The following HIVEP2 variants were observed in gnomAD, a reference collection of about 807,000 sequenced individuals.
HIVEP2 encodes the protein transcription factor HIVEP2.
Under a neutral mutation model 180.7 loss-of-function variants are expected in HIVEP2, and 14 were observed. That is an observed-to-expected ratio of 0.08 (90% CI 0.05 to 0.12). The LOEUF is 0.12. HIVEP2 is among the 10% of genes least tolerant of loss of function. The probability of loss-of-function intolerance (pLI) is 1.00; values close to 1 mark genes in which losing one functional copy is unlikely to be tolerated. For synonymous variants in HIVEP2, 1,184 were observed against 1,136.4 expected (o/e 1.04, Z -0.84); for missense variants, 2,579 against 3,008.5 (o/e 0.86, Z 3.34).
At chr6:142,907,475 T>G (rs1777295139) in intron 1 of HIVEP2, among the ~76,000 whole-genome samples, 1 of 152,158 alleles carries the variant, frequency 6.6e-6, no homozygotes, top group African/African-American at 2.4e-5. Flanking sequence ...CAGTACCAGA[T>G]AGTGAATATA....
Position 142,769,878 on chromosome 6 carries a change from C to T in HIVEP2, c.4861G>A (p.Asp1621Asn), listed in dbSNP as rs367696862. 7.4e-6 allele frequency: 12 copies of T among 1,614,012 alleles called. No individual in the cohort carries two copies. The highest frequency in any genetic ancestry group is 3.3e-5 in the Admixed American group (2 of 60,010). ...ATGTCCGTGAGAAGAAGAGTTGAGT[C>T]TGCCACGTTCCCGCTGGGGGCAGAG... ...MASAPSGNVA[D>N]STLLLTDMAD... Residue 1621 changes from aspartate to asparagine, a missense_variant, in exon 5 of 10, where the codon GAC (aspartate) becomes AAC (asparagine). Coordinates refer to ENST00000367603, the MANE Select transcript of HIVEP2 (RefSeq NM_006734.4).
chr6:142,791,891 G>A (rs1776146154), intron 2 of HIVEP2, among the ~76,000 whole-genome samples: 1 of 152,192 alleles, frequency 6.6e-6, no homozygotes, highest in Non-Finnish European at 1.5e-5. Context: ...AGCTATAAAA[G>A]CAATAGAGGC....
chr6:142,772,229 C>T lies in HIVEP2; in HGVS notation c.2510G>A (p.Cys837Tyr), dbSNP rs1178691611. 1 of 1,614,174 alleles carries T rather than the reference C, an allele frequency of 6.2e-7. No homozygotes were observed. The highest frequency in any genetic ancestry group is 8.5e-7 in the Non-Finnish European group (1 of 1,180,044). The part of the protein sequence containing the change: ...QDKAPSPSET[C>Y]DSEISEAPVS... Reference sequence around the variant, plus strand: ...TGGGGCTTCTGAAATCTCACTGTCACAAGTCTCTGAAGGGGAAGGGGCTTT... The same window carrying T: ...TGGGGCTTCTGAAATCTCACTGTCATAAGTCTCTGAAGGGGAAGGGGCTTT... Residue 837 changes from cysteine (C) to tyrosine (Y), a missense_variant, in exon 5 of 10, where the codon TGT becomes TAT. This residue lies in a region of HIVEP2 where 524 missense variants were observed against 563.6 expected (regional missense o/e 0.93). Transcript: ENST00000367603. This position sits in a 1 kb window ranked among gnomAD's most constrained non-coding sequence, Gnocchi z 4.9.
At chr6:142,934,813 C>T (rs1490093390) in intron 1 of HIVEP2, among the ~76,000 whole-genome samples, 1 of 152,186 alleles carries the variant, frequency 6.6e-6, no homozygotes, top group African/African-American at 2.4e-5. Flanking sequence ...CGTTTCACCC[C>T]AGCCTTTCCT....
chr6:142,917,798 TAG>T (rs1777594284), intron 1 of HIVEP2, among the ~76,000 whole-genome samples: 1 of 152,110 alleles, frequency 6.6e-6, no homozygotes, highest in African/African-American at 2.4e-5. Context: ...TTTTTTGAGA[TAG>T]AGTCTTGCTC....
chr6:142,767,742 T>A (rs553629097), intron 6 of HIVEP2, among the ~76,000 whole-genome samples: 1 of 152,296 alleles, frequency 6.6e-6, no homozygotes, highest in South Asian at 2.1e-4. Flanking sequence ...AATAACAAAG[T>A]CTTTGAACCT....
At chr6:142,780,678 G>A (rs1056372439) in intron 3 of HIVEP2, among the ~76,000 whole-genome samples, 26 of 152,164 alleles carry the variant, frequency 1.7e-4, no homozygotes, top group African/African-American at 5.3e-4. Context: ...AATGGAAATT[G>A]TGTGCATCAT....
At chr6:142,769,423 C>T (rs1775462679) in intron 5 of HIVEP2, 129 bp downstream of exon 5, 1 of 787,494 alleles carries the variant, frequency 1.3e-6, no homozygotes, top group African/African-American at 1.7e-5. Flanking sequence ...GCCAGACTTT[C>T]TGAAAACGCC....
intron 6 of HIVEP2, among the ~76,000 whole-genome samples, 155 bp from the exon 7 acceptor site, chr6:142,765,129 A>C (rs1332748039): frequency 6.6e-6 from 1 of 152,266 alleles, no homozygotes; most frequent in African/African-American, 2.4e-5. Flanking sequence ...AAATTTATGC[A>C]GTAAATGGCT....
At chr6:142,844,520 A>G (rs1775456079) in intron 1 of HIVEP2, among the ~76,000 whole-genome samples, 1 of 152,186 alleles carries the variant, frequency 6.6e-6, no homozygotes, top group South Asian at 2.1e-4. Flanking sequence ...GTTTCACATT[A>G]ATGTTAAATG....
In HIVEP2 at chr6:142,753,291, T is replaced by C. The variant is rs753618963; in HGVS notation, c.7157A>G (p.His2386Arg). The part of the protein sequence containing the change: ...EPGQPCTSAT[H>R]PDLHDGEKDN... ...CTTTTCACCATCATGCAAGTCAGGGTGGGTGGCTGAGGTACAGGGCTGACC... is the reference window on the plus strand; with the variant it reads ...CTTTTCACCATCATGCAAGTCAGGGCGGGTGGCTGAGGTACAGGGCTGACC... Residue 2386 changes from histidine (H) to arginine (R), a missense_variant, in exon 10 of 10, where the codon CAC (histidine) becomes CGC (arginine). Around this residue, in one of 11 missense-constraint regions of HIVEP2, gnomAD observed 660 missense variants for 731.7 expected, o/e 0.90. Coordinates refer to ENST00000367603, the MANE Select transcript of HIVEP2 (RefSeq NM_006734.4). 13 of 1,613,888 alleles carry C rather than the reference T, an allele frequency of 8.1e-6. No individual in the cohort carries two copies. The highest frequency in any genetic ancestry group is 4.0e-5 in the African/African-American group (3 of 74,854).
intron 1 of HIVEP2, among the ~76,000 whole-genome samples, chr6:142,887,374 A>C (rs1460884513): frequency 1.3e-5 from 2 of 152,202 alleles, no homozygotes; most frequent in African/African-American, 4.8e-5. Context: ...CTAATTTTAC[A>C]AAAGGATAGT....
At chr6:142,815,851 G>A (rs531307472) in intron 2 of HIVEP2, among the ~76,000 whole-genome samples, 7 of 152,264 alleles carry the variant, frequency 4.6e-5, no homozygotes, top group African/African-American at 1.4e-4. Context: ...TAAGAACTGC[G>A]TCTTATAATT....
At chr6:142,837,562 T>C (rs1775256512) in intron 1 of HIVEP2, among the ~76,000 whole-genome samples, 2 of 152,240 alleles carry the variant, frequency 1.3e-5, no homozygotes, top group East Asian at 3.9e-4. Flanking sequence ...GATAATTCAC[T>C]GGCATGGATT....
intron 2 of HIVEP2, among the ~76,000 whole-genome samples, chr6:142,800,282 C>T (rs909765592): frequency 3.3e-5 from 5 of 152,082 alleles, no homozygotes; most frequent in African/African-American, 1.2e-4. Flanking sequence ...ACCATGGTAT[C>T]ATATTAGTCA....
chr6:142,927,154 G>C lies in HIVEP2; in HGVS notation c.-641+17945C>G, dbSNP rs78534191. ...GCTGCTCTTCCTCCCGGAGGAAACC[G>C]AGCTCGCAAGCCCAGCGCTCCCAGC... On this transcript the variant is annotated intron_variant, in intron 1 of 9. Coordinates refer to ENST00000367603, the MANE Select transcript of HIVEP2 (RefSeq NM_006734.4). Among the ~76,000 whole-genome samples, 1,263 of 152,202 alleles carry C rather than the reference G, an allele frequency of 8.3e-3. 76 individuals are homozygous for C. In the East Asian group the frequency reaches 0.17, roughly 20 times the overall value.
At chr6:142,849,327 C>G (rs970023057) in intron 1 of HIVEP2, among the ~76,000 whole-genome samples, 1 of 152,038 alleles carries the variant, frequency 6.6e-6, no homozygotes, top group East Asian at 1.9e-4. Flanking sequence ...AAGAGGAAAA[C>G]CAAGCTGAAA....
At chr6:142,823,346 C>T (rs1389172081) in intron 2 of HIVEP2, among the ~76,000 whole-genome samples, 1 of 152,148 alleles carries the variant, frequency 6.6e-6, no homozygotes, top group Non-Finnish European at 1.5e-5. Context: ...CTAAACCCCG[C>T]GACAACGGTT....
chr6:142,796,923 C>T (rs180901502), intron 2 of HIVEP2, among the ~76,000 whole-genome samples: 34 of 152,256 alleles, frequency 2.2e-4, no homozygotes, highest in South Asian at 4.1e-4. Context: ...AGAATTATTA[C>T]GGTAGTACAG....
Sources: allele counts gnomAD v4.1 joint callset (sites outside exome capture counted in the v4.1 genomes callset), GRCh38; gene constraint gnomAD v4.1.1; regional missense constraint gnomAD v4.1.1; non-coding constraint Gnocchi (gnomAD v3.1); transcripts MANE v1.5; gene names NCBI Gene and HGNC (gene_info 2026-07-23, HGNC 2026-07-21).